The following F11 variants were observed in gnomAD, a reference collection of about 807,000 sequenced individuals.
F11 encodes coagulation factor XI.
F11 carries 78 observed loss-of-function variants against 76.5 expected under a neutral mutation model. The observed-to-expected ratio is 1.02, with a 90% confidence interval of 0.85 to 1.23. The LOEUF (loss-of-function observed/expected upper bound fraction) is 1.23, where lower values mean the gene tolerates loss of function less well. Ranked by LOEUF, F11 falls within the 50% of genes most tolerant of loss-of-function variation. The pLI, the probability that F11 is intolerant of heterozygous loss-of-function variation, is 0.00. For missense variants in F11, 742 were observed against 771.4 expected (o/e 0.96, Z 0.45); for synonymous variants, 278 against 276.3 (o/e 1.01, Z -0.06).
intron 14 of F11, among the ~76,000 whole-genome samples, chr4:186,288,236 CT>C: frequency 6.6e-6 from 1 of 152,254 alleles, no homozygotes; most frequent in Middle Eastern, 3.4e-3. Context: ...AAAAAGCAGT[CT>C]TCTGCCAATG....
rs767448271 is a variant in F11, at chr4:186,280,496, T to C, written c.1051T>C (p.Ser351Pro). 1.2e-6 allele frequency: 2 copies of C among 1,614,202 alleles called. No individual in the cohort carries two copies. The highest frequency in any genetic ancestry group is 1.7e-6 in the Non-Finnish European group (2 of 1,180,032). Residue 351 changes from serine to proline, a missense_variant, in exon 10 of 15, where the codon TCT becomes CCT. Physicochemically the swap from Ser to Pro is moderately conservative, Grantham distance 74. Coordinates refer to ENST00000403665, the MANE Select transcript of F11 (RefSeq NM_000128.4). ...EGKGKCYLKL[S>P]SNGSPTKILH... is the part of the protein sequence containing the mutation. The stretch of plus-strand genomic sequence containing the variant: ...CAGGGGCAAGTGTTACTTAAAGCTT[T>C]CTTCAAACGGATCTCCAACTAAAAT...
chr4:186,272,845 C>A, intron 3 of F11: 1 of 461,096 alleles, frequency 2.2e-6, no homozygotes. Flanking sequence ...CTAGTTGACA[C>A]ATTCCTGTTT....
rs538755522 is a variant in F11 at position 186,288,317 on chromosome 4, C to T, written c.1717-136C>T. 7 of 1,028,106 alleles carry T rather than the reference C, an allele frequency of 6.8e-6. No individual in the cohort carries two copies. The Admixed American group carries it at 1.1e-4, about 16-fold the overall frequency. The allele number at this position is 1,028,106 out of a possible 1,614,324, so 63.7% of individuals were successfully genotyped here. On this transcript the variant is annotated intron_variant, in intron 14 of 14. Coordinates refer to ENST00000403665, the MANE Select transcript of F11 (RefSeq NM_000128.4). ...AGCAAGGAGATTGACTGGATGAACG[C>T]AAGCACCCAGGTTCTCTGCAGTATA...
At chr4:186,281,977 C>G (rs1462093191) in intron 10 of F11, 1 of 1,266,036 alleles carries the variant, frequency 7.9e-7, no homozygotes, top group Admixed American at 2.3e-5. Context: ...TGGCTCAAGA[C>G]TTCTTAAAAA....
chr4:186,284,401 C>A, intron 11 of F11, 141 bp downstream of exon 11: 9 of 891,932 alleles, frequency 1.0e-5, no homozygotes, highest in Admixed American at 6.7e-5. Flanking sequence ...TGGTAAAAAA[C>A]GCAAAAAGGA....
chr4:186,285,097 T>C (rs1306796397), intron 11 of F11, among the ~76,000 whole-genome samples: 1 of 152,204 alleles, frequency 6.6e-6, no homozygotes. Flanking sequence ...AAACTTTCCG[T>C]TTGCTACTTC....
In F11 at chr4:186,288,670, G is replaced by A; in HGVS notation, c.*56G>A. On this transcript the variant is annotated 3_prime_UTR_variant, in exon 15 of 15. Transcript: ENST00000403665. ...AAGGACCCAGGATTTGCTGGGAGAGGGTGTTGAGTTCACTGTGCCAGCATG... is the reference window on the plus strand; with the variant it reads ...AAGGACCCAGGATTTGCTGGGAGAGAGTGTTGAGTTCACTGTGCCAGCATG... 6.4e-7 allele frequency: 1 copy of A among 1,567,968 alleles called. No homozygotes were observed.
At chr4:186,276,621 C>G in intron 7 of F11, among the ~76,000 whole-genome samples, 1 of 127,822 alleles carries the variant, frequency 7.8e-6, no homozygotes, top group Admixed American at 9.5e-5. Flanking sequence ...GAGTCTCGCT[C>G]TGCTGCCCAG....
chr4:186,269,543 T>C (rs896370552), intron 2 of F11, among the ~76,000 whole-genome samples: 1 of 152,128 alleles, frequency 6.6e-6, no homozygotes, highest in Non-Finnish European at 1.5e-5. Context: ...GTACTTAGGG[T>C]AGTCAATTTC....
At chr4:186,274,943 T>C in intron 5 of F11, 1 of 181,828 alleles carries the variant, frequency 5.5e-6, no homozygotes, top group Non-Finnish European at 1.2e-5. Context: ...GTTTTAACAT[T>C]GGATTTTAAC....
chr4:186,286,051 T>C (rs1385148392), intron 12 of F11: 2 of 583,986 alleles, frequency 3.4e-6, no homozygotes, highest in Admixed American at 6.0e-5. Context: ...TTCAGGTGCA[T>C]AGAATGACAT....
downstream of F11, among the ~76,000 whole-genome samples, chr4:186,290,419 C>T (rs72712607): frequency 2.5e-3 from 376 of 152,214 alleles, 1 homozygote; most frequent in Non-Finnish European, 4.0e-3. Context: ...AATCAGAGTG[C>T]GTTCAAGAGT....
chr4:186,284,384 G>A (rs1561490008), intron 11 of F11, 124 bp downstream of exon 11: 1 of 1,048,984 alleles, frequency 9.5e-7, no homozygotes, highest in Non-Finnish European at 1.4e-6. Flanking sequence ...TTAATTAATT[G>A]CTTCAGTGGT....
rs747500059 is a variant in F11, at chr4:186,287,752, T to C, written c.1645T>C (p.Tyr549His). 62 of 1,613,518 alleles carry C rather than the reference T, an allele frequency of 3.8e-5. No homozygotes were observed. The highest frequency in any genetic ancestry group is 5.0e-5 in the Non-Finnish European group (59 of 1,179,828). ...GACCAACGAAGAGTGCCAGAAGAGA[T>C]ACAGAGGACATAAAATAACCCATAA... Reference protein sequence around the residue: ...LVTNEECQKRYRGHKITHKMI... With the variant: ...LVTNEECQKRHRGHKITHKMI... Residue 549 changes from tyrosine to histidine, a missense_variant, in exon 14 of 15, where the codon TAC (tyrosine) becomes CAC (histidine). Tyr to His is a moderately conservative substitution (Grantham distance 83). Coordinates refer to ENST00000403665, the MANE Select transcript of F11 (RefSeq NM_000128.4).
intron 11 of F11, 119 bp from the exon 12 acceptor site, chr4:186,285,519 C>A: frequency 9.5e-7 from 1 of 1,057,528 alleles, no homozygotes; most frequent in Non-Finnish European, 1.4e-6. Flanking sequence ...CTTTTTTCTA[C>A]CTAAATGTCC....
intron 4 of F11, among the ~76,000 whole-genome samples, chr4:186,273,459 CTT>C (rs778708173): frequency 6.8e-6 from 1 of 147,118 alleles, no homozygotes; most frequent in Non-Finnish European, 1.5e-5. Flanking sequence ...AAATGAAAGT[CTT>C]TTTTTTTTTG....
rs1286976077 is a variant in F11 at position 186,274,250 on chromosome 4, A to G, written c.460A>G (p.Arg154Gly). 4.3e-6 allele frequency: 7 copies of G among 1,614,238 alleles called. No individual in the cohort carries two copies. Among genetic ancestry groups the G allele is most frequent in the Non-Finnish European group, 5.9e-6 (7 of 1,180,046 alleles). Residue 154 changes from arginine (R) to glycine (G), a missense_variant, in exon 5 of 15, where the codon AGG becomes GGG. Coordinates refer to ENST00000403665, the MANE Select transcript of F11 (RefSeq NM_000128.4). ...CTGCCACTTTTTCACGTACGCCACA[A>G]GGCAGTTTCCCAGCCTGGAGCATCG... ...VHCHFFTYAT[R>G]QFPSLEHRNI...
At chr4:186,282,984 G>A (rs370663868) in intron 10 of F11, 2 of 985,378 alleles carry the variant, frequency 2.0e-6, no homozygotes. Flanking sequence ...TCTCATCAGT[G>A]ATTCTTCTGT....
Position 186,283,287 on chromosome 4 carries a change from C to A in F11, c.1136-805C>A, listed in dbSNP as rs538879389. Among the ~76,000 whole-genome samples, 21 of 152,074 alleles carry A rather than the reference C, an allele frequency of 1.4e-4. No homozygotes were observed. The South Asian group carries it at 4.4e-3, about 32-fold the overall frequency. On this transcript the variant is annotated intron_variant, in intron 10 of 14. Transcript: ENST00000403665. ...TGTGTGTCTAGAATACTGCTGTCTA[C>A]GAACACCCTATTCCCATCCATCTGT...
Sources: gnomAD v4.1 joint callset for allele counts (sites outside exome capture counted in the v4.1 genomes callset) on GRCh38, gnomAD v4.1.1 for gene constraint, MANE v1.5 for transcripts, NCBI Gene and HGNC (gene_info 2026-07-23, HGNC 2026-07-21) for gene names.